CDH12: variants seen among roughly 807,000 people sequenced by gnomAD.
CDH12 encodes cadherin-12.
A neutral mutation model predicts 74.1 loss-of-function variants in CDH12; 41 were observed. That is an observed-to-expected ratio of 0.55 (90% CI 0.43 to 0.72). The LOEUF is 0.72. CDH12 is among the 30% of genes least tolerant of loss of function. The pLI, the probability that CDH12 is intolerant of heterozygous loss-of-function variation, is 0.00. For missense variants in CDH12, 945 were observed against 977.2 expected, an observed-to-expected ratio of 0.97 and a Z score of 0.44; for synonymous variants, 399 against 355.0, an observed-to-expected ratio of 1.12 and a Z score of -1.39.
chr5:22,694,317 T>TA (rs1457222471), intron 1 of CDH12, among the ~76,000 whole-genome samples: 1 of 152,200 alleles, frequency 6.6e-6, no homozygotes, highest in Non-Finnish European at 1.5e-5. Flanking sequence ...ACAATCTCCA[T>TA]ACATGATTTT....
intron 3 of CDH12, among the ~76,000 whole-genome samples, chr5:22,273,961 A>G (rs2150401978): frequency 6.6e-6 from 1 of 152,290 alleles, no homozygotes; most frequent in African/African-American, 2.4e-5. Flanking sequence ...AAAAAAATCT[A>G]CCTTGGACCT....
chr5:22,499,240 T>G (rs1271858838), intron 2 of CDH12, among the ~76,000 whole-genome samples: 1 of 152,128 alleles, frequency 6.6e-6, no homozygotes, highest in Non-Finnish European at 1.5e-5. Context: ...AAAGGTAGTT[T>G]TACTATTTTT....
intron 6 of CDH12, chr5:21,883,359 A>G (rs567114651): frequency 2.5e-4 from 381 of 1,530,954 alleles, no homozygotes; most frequent in Admixed American, 7.0e-4. Flanking sequence ...TGTCCAGTCC[A>G]TTGTACCTGC....
intron 1 of CDH12, among the ~76,000 whole-genome samples, chr5:22,770,864 C>G (rs1272788732): frequency 6.6e-6 from 1 of 151,922 alleles, no homozygotes; most frequent in Admixed American, 6.6e-5. Context: ...TCCTATAATC[C>G]TAAAGCACAA....
At chr5:21,886,354 T>C (rs550939320) in intron 6 of CDH12, among the ~76,000 whole-genome samples, 11 of 151,636 alleles carry the variant, frequency 7.3e-5, no homozygotes, top group Non-Finnish European at 1.6e-4. Flanking sequence ...TATGCTTAGA[T>C]GTGTGAAATT....
At chr5:22,458,120 T>A (rs950879480) in intron 2 of CDH12, among the ~76,000 whole-genome samples, 6 of 152,132 alleles carry the variant, frequency 3.9e-5, no homozygotes, top group African/African-American at 1.4e-4. Context: ...CCTTAAATCA[T>A]CCACCCGCCT....
intron 1 of CDH12, among the ~76,000 whole-genome samples, chr5:22,848,695 GAGA>G: frequency 6.6e-6 from 1 of 152,234 alleles, no homozygotes; most frequent in East Asian, 1.9e-4. Flanking sequence ...ACTTTTCAAA[GAGA>G]ATTTCTTCAG....
At chr5:22,591,417 G>A (rs1365911660) in intron 1 of CDH12, among the ~76,000 whole-genome samples, 1 of 152,002 alleles carries the variant, frequency 6.6e-6, no homozygotes, top group Non-Finnish European at 1.5e-5. Context: ...TTTTTAAAAT[G>A]GCATGTTTGT....
In CDH12 at chr5:22,746,297, C is replaced by T. The variant is rs78191628; in HGVS notation, c.-523+106761G>A. On this transcript the variant is annotated intron_variant, in intron 1 of 14. Transcript: ENST00000382254. ...TGGAGGTTTCCAATTATCAATCCCCCAAATCCCACAACAATAACAACAATT... is the reference window on the plus strand; with the variant it reads ...TGGAGGTTTCCAATTATCAATCCCCTAAATCCCACAACAATAACAACAATT... 9.2e-4 allele frequency among the ~76,000 whole-genome samples: 140 copies of T among 152,178 alleles called. 2 individuals are homozygous for T. In the East Asian group the frequency reaches 0.026, roughly 28 times the overall value.
At chr5:22,351,957 A>C (rs1349474816) in intron 3 of CDH12, among the ~76,000 whole-genome samples, 1 of 152,200 alleles carries the variant, frequency 6.6e-6, no homozygotes, top group African/African-American at 2.4e-5. Flanking sequence ...AAGCAGTTAA[A>C]TCTTTGAGGA....
In CDH12 at chr5:21,938,723, C is replaced by CATATATATATATATAT. The variant is rs545475183; in HGVS notation, c.526+36352_526+36367dup. ...TATAATATTTTATATATATAATATA[C>CATATATATATATATAT]ATATATATATATATATATATATATA... On this transcript the variant is annotated intron_variant, in intron 6 of 14. Coordinates refer to ENST00000382254, the MANE Select transcript of CDH12 (RefSeq NM_004061.5). 5.1e-3 allele frequency among the ~76,000 whole-genome samples: 572 copies of CATATATATATATATAT among 111,840 alleles called. 23 individuals carry two copies. The highest frequency in any genetic ancestry group is 0.013 in the African/African-American group (315 of 25,016). 73.4% of individuals were successfully genotyped at this position (111,840 alleles called of 152,430 possible).
chr5:22,847,214 A>G (rs1156585552), intron 1 of CDH12, among the ~76,000 whole-genome samples: 4 of 152,158 alleles, frequency 2.6e-5, no homozygotes, highest in Non-Finnish European at 5.9e-5. Flanking sequence ...TTCTATTCTT[A>G]CCTAAGTAAA....
chr5:21,886,282 T>C (rs1037130548), intron 6 of CDH12, among the ~76,000 whole-genome samples: 83 of 151,614 alleles, frequency 5.5e-4, no homozygotes, highest in African/African-American at 2.0e-3. Flanking sequence ...TAAAATGAAG[T>C]ATGTTTTTTT....
intron 1 of CDH12, among the ~76,000 whole-genome samples, chr5:22,808,576 C>G (rs931408720): frequency 2.0e-5 from 3 of 147,292 alleles, no homozygotes; most frequent in Non-Finnish European, 4.5e-5. Context: ...ATATCATAAA[C>G]TTGCATAGAT....
chr5:22,759,609 C>T (rs775186233), intron 1 of CDH12, among the ~76,000 whole-genome samples: 2 of 152,072 alleles, frequency 1.3e-5, no homozygotes, highest in African/African-American at 2.4e-5. Context: ...TTGCATGGCT[C>T]GAGTTAAAAC....
At chr5:21,997,542 A>T (rs1209172497) in intron 5 of CDH12, among the ~76,000 whole-genome samples, 1 of 152,154 alleles carries the variant, frequency 6.6e-6, no homozygotes, top group East Asian at 1.9e-4. Flanking sequence ...ATCCATAAAT[A>T]GTTTACTATA....
intron 2 of CDH12, among the ~76,000 whole-genome samples, chr5:22,475,732 T>A (rs1465643994): frequency 2.0e-5 from 3 of 152,056 alleles, no homozygotes; most frequent in African/African-American, 7.2e-5. Flanking sequence ...TGCATTTTAA[T>A]CTTTAAAAAC....
intron 3 of CDH12, among the ~76,000 whole-genome samples, chr5:22,390,100 A>G (rs1394839616): frequency 6.6e-6 from 1 of 152,086 alleles, no homozygotes; most frequent in Non-Finnish European, 1.5e-5. Context: ...GAAGACAAAC[A>G]TCATCTAGGT....
At chr5:22,553,698 C>T (rs186614221) in intron 1 of CDH12, among the ~76,000 whole-genome samples, 1 of 152,226 alleles carries the variant, frequency 6.6e-6, no homozygotes, top group East Asian at 1.9e-4. Context: ...ATCACTTCTT[C>T]CCAAATTGAT....
Sources: gnomAD v4.1 joint callset for allele counts (sites outside exome capture counted in the v4.1 genomes callset) on GRCh38, gnomAD v4.1.1 for gene constraint, MANE v1.5 for transcripts, NCBI Gene and HGNC (gene_info 2026-07-23, HGNC 2026-07-21) for gene names.